SPTAN1: variants seen among roughly 807,000 people sequenced by gnomAD.
The protein encoded by SPTAN1 is spectrin alpha, non-erythrocytic 1.
Under a neutral mutation model 331.3 loss-of-function variants are expected in SPTAN1, and 61 were observed. That is an observed-to-expected ratio of 0.18 (90% CI 0.15 to 0.23). The LOEUF (loss-of-function observed/expected upper bound fraction) is 0.23. Ranked by LOEUF, SPTAN1 falls within the 10% of genes least tolerant of loss-of-function variation. The pLI is 1.00. For missense variants in SPTAN1, 2,043 were observed against 3,147.9 expected, an observed-to-expected ratio of 0.65 and a Z score of 8.40; for synonymous variants, 1,153 against 1,173.9, an observed-to-expected ratio of 0.98 and a Z score of 0.36.
rs900815507 is a variant in SPTAN1 at position 128,627,682 on chromosome 9, C to G, written c.6689+184C>G. ...GGAGTGGGGGCATAGGTGGAGCAGC[C>G]TCTCAGTGCTGCATGTCCCAGACAT... On this transcript the variant is annotated intron_variant, in intron 50 of 56. Coordinates refer to ENST00000372739, the MANE Select transcript of SPTAN1 (RefSeq NM_001130438.3). This position sits in a 1 kb window ranked among gnomAD's most constrained non-coding sequence, Gnocchi z 4.9. 5.8e-5 allele frequency: 45 copies of G among 777,736 alleles called. No individual in the cohort carries two copies. Among genetic ancestry groups the G allele is most frequent in the Non-Finnish European group, 1.6e-5 (7 of 447,912 alleles). The allele number at this position is 777,736 out of a possible 1,614,324, so 48.2% of individuals were successfully genotyped here. A position where few individuals can be genotyped will look rare whatever the true frequency, so the allele number is the denominator to read the frequency against.
In SPTAN1 at chr9:128,632,731, A is replaced by C. The variant is rs1237326805; in HGVS notation, c.7160+13A>C. On this transcript the variant is annotated intron_variant, in intron 55 of 56. Coordinates refer to ENST00000372739, the MANE Select transcript of SPTAN1 (RefSeq NM_001130438.3). ...TGGATCCGAACAGGTAAATTAATTA[A>C]GGCCAGGTGCTGTGAGCCTCTGCCC... 6.2e-7 allele frequency: 1 copy of C among 1,613,910 alleles called. No homozygotes were observed. The highest frequency in any genetic ancestry group is 1.3e-5 in the African/African-American group (1 of 74,950).
chr9:128,567,821 T>G (rs1245425047), intron 2 of SPTAN1, among the ~76,000 whole-genome samples: 1 of 152,004 alleles, frequency 6.6e-6, no homozygotes, highest in East Asian at 1.9e-4. Flanking sequence ...AGTGCAATGG[T>G]GCAATCTCAG....
At chr9:128,618,214 C>T in intron 43 of SPTAN1, 106 bp downstream of exon 43, 1 of 1,530,112 alleles carries the variant, frequency 6.5e-7, no homozygotes, top group South Asian at 1.2e-5. Flanking sequence ...GTCTCCTGGA[C>T]CTTTGGCCTC....
chr9:128,627,778 G>T lies in SPTAN1; in HGVS notation c.6690-147G>T. ...TGGTCAGCCCCAGCCATGACTTGGT[G>T]ACAGACGATGCAGGGTCTGTGCGTT... On this transcript the variant is annotated intron_variant, in intron 50 of 56. Transcript: ENST00000372739. The surrounding 1 kb of genome is among the most constrained non-coding windows in gnomAD (Gnocchi z 4.9). 9.4e-7 allele frequency: 1 copy of T among 1,069,376 alleles called. No individual in the cohort carries two copies. The highest frequency in any genetic ancestry group is 1.3e-5 in the South Asian group (1 of 79,408). The allele number at this position is 1,069,376 out of a possible 1,614,324, so 66.2% of individuals were successfully genotyped here.
chr9:128,573,287 A>G (rs1392702767), intron 3 of SPTAN1, among the ~76,000 whole-genome samples: 2 of 152,194 alleles, frequency 1.3e-5, no homozygotes, highest in African/African-American at 2.4e-5. Flanking sequence ...TGAGAACCCA[A>G]AGATGCTGGG....
chr9:128,608,329 T>C, intron 34 of SPTAN1, 53 bp downstream of exon 34: 1 of 1,611,064 alleles, frequency 6.2e-7, no homozygotes, highest in South Asian at 1.1e-5. Context: ...GATTGACATC[T>C]GTTTCTTGGC....
chr9:128,584,858 T>C lies in SPTAN1; in HGVS notation c.2560+15T>C. On this transcript the variant is annotated intron_variant, in intron 18 of 56. Transcript: ENST00000372739. ...GGTGGAGGAAGGTGAGTGATTGGTA[T>C]CAGTGACATGGCTTGGTGCTGCTCC... 1.2e-6 allele frequency: 2 copies of C among 1,614,146 alleles called. No homozygotes were observed. Among genetic ancestry groups the C allele is most frequent in the Non-Finnish European group, 1.7e-6 (2 of 1,180,010 alleles).
chr9:128,632,279 G>A lies in SPTAN1; in HGVS notation c.6915G>A (p.Leu2305=). The A allele has an allele frequency of 6.2e-7, 1 of 1,613,512 alleles. No homozygotes were observed. The highest frequency in any genetic ancestry group is 8.5e-7 in the Non-Finnish European group (1 of 1,180,000). ...LAQQWDQLDQ[L]GMRMQHNLEQ... Reference sequence around the variant, plus strand: ...AGCAGTGGGACCAGCTGGACCAGCTGGGCATGCGCATGCAGCACAACCTGG... The same window carrying A: ...AGCAGTGGGACCAGCTGGACCAGCTAGGCATGCGCATGCAGCACAACCTGG... The change falls in exon 53 of 57, where the codon CTG becomes CTA. Residue 2305 remains leucine (L), a synonymous_variant. Coordinates refer to ENST00000372739, the MANE Select transcript of SPTAN1 (RefSeq NM_001130438.3).
chr9:128,593,168 C>T (rs1853762586), intron 23 of SPTAN1, 126 bp downstream of exon 23: 2 of 1,035,122 alleles, frequency 1.9e-6, no homozygotes, highest in Admixed American at 2.0e-5. Context: ...AACTGCCTGT[C>T]CGTGCAGCAG....
rs2152833 is a variant in SPTAN1, at chr9:128,569,041, C to T, written c.363+144C>T. ...TATGAAGTCTCCTTAAGAAGTTACC[C>T]GAATCCTGCCTTTGTAATATGACAG... On this transcript the variant is annotated intron_variant, in intron 3 of 56. Coordinates refer to ENST00000372739, the MANE Select transcript of SPTAN1 (RefSeq NM_001130438.3). The T allele has an allele frequency of 0.83, 863,479 of 1,039,904 alleles. 369,427 individuals are homozygous for T. The highest frequency in any genetic ancestry group is 0.9 in the Non-Finnish European group (620,303 of 690,390). 64.4% of individuals were successfully genotyped at this position (1,039,904 alleles called of 1,614,324 possible). A position where few individuals can be genotyped will look rare whatever the true frequency, so the allele number is the denominator to read the frequency against.
rs762562063 is a variant in SPTAN1 at position 128,619,021 on chromosome 9, G to A, written c.5733+18G>A. 1.5e-5 allele frequency: 25 copies of A among 1,613,064 alleles called. No homozygotes were observed. The highest frequency in any genetic ancestry group is 1.4e-4 in the South Asian group (13 of 91,036). ...CCATCCAGGTGAGACAGAAACCAAA[G>A]GTGTCACCTGCTTTCTCTCTTGGCA... On this transcript the variant is annotated intron_variant, in intron 44 of 56. Coordinates refer to ENST00000372739, the MANE Select transcript of SPTAN1 (RefSeq NM_001130438.3).
intron 24 of SPTAN1, 64 bp from the exon 25 acceptor site, chr9:128,598,336 C>G: frequency 8.4e-7 from 1 of 1,196,148 alleles, no homozygotes; most frequent in Non-Finnish European, 1.2e-6. Flanking sequence ...TAGTTTGTGA[C>G]TATGTCTCCT....
chr9:128,632,127 C>T lies in SPTAN1; in HGVS notation c.6763C>T (p.Arg2255Cys), dbSNP rs372779649. 1.1e-4 allele frequency: 171 copies of T among 1,612,914 alleles called. No homozygotes were observed. The highest frequency in any genetic ancestry group is 1.3e-4 in the Non-Finnish European group (149 of 1,179,948). ...GCATCTGTGCTCCCCACCCCTGCAG[C>T]GCAAGCACCAGGAAATCCGAGCCAT... ...TLESQLEATK[R>C]KHQEIRAMRS... The change falls in exon 53 of 57, where the codon CGC becomes TGC. Residue 2255 changes from arginine to cysteine, a missense_variant and splice_region_variant. By Grantham distance (180) the Arg-to-Cys change is radical. This residue lies in a region of SPTAN1 where 256 missense variants were observed against 376.4 expected (regional missense o/e 0.68). Coordinates refer to ENST00000372739, the MANE Select transcript of SPTAN1 (RefSeq NM_001130438.3).
At chr9:128,608,389 A>G in intron 34 of SPTAN1, 113 bp downstream of exon 34, 1 of 1,289,162 alleles carries the variant, frequency 7.8e-7, no homozygotes, top group Non-Finnish European at 1.1e-6. Flanking sequence ...TGTCTAAGAA[A>G]AATATGTACA....
chr9:128,579,600 T>C (rs1195775508), intron 9 of SPTAN1, 37 bp from the exon 10 acceptor site: 29 of 1,535,454 alleles, frequency 1.9e-5, no homozygotes, highest in Non-Finnish European at 2.4e-5. Context: ...TGTAAGATGC[T>C]GGGCACAAAT....
chr9:128,580,287 A>T (rs1440945038), intron 10 of SPTAN1, among the ~76,000 whole-genome samples: 5 of 151,502 alleles, frequency 3.3e-5, no homozygotes, highest in Non-Finnish European at 5.9e-5. Flanking sequence ...TCTCTAAAAA[A>T]AAATAAATAA....
rs770983670 is a variant in SPTAN1 at position 128,633,377 on chromosome 9, C to T, written c.*43C>T. The T allele has an allele frequency of 1.1e-5, 17 of 1,612,618 alleles. No individual in the cohort carries two copies. Among genetic ancestry groups the T allele is most frequent in the Middle Eastern group, 3.3e-4 (2 of 6,082 alleles). ...CCACCCCTCGCTGCTTGCCCTGCGT[C>T]GCCTTGCTGCATGTCCGCTCCTCTG... On this transcript the variant is annotated 3_prime_UTR_variant, in exon 57 of 57. Transcript: ENST00000372739.
intron 11 of SPTAN1, 47 bp downstream of exon 11, chr9:128,581,106 G>A (rs201757065): frequency 6.2e-7 from 1 of 1,612,152 alleles, no homozygotes; most frequent in East Asian, 2.2e-5. Flanking sequence ...AGAAGGGCCT[G>A]TGTTTTGCCT....
intron 40 of SPTAN1, 27 bp downstream of exon 40, chr9:128,613,512 C>A: frequency 6.3e-7 from 1 of 1,587,800 alleles, no homozygotes; most frequent in Non-Finnish European, 8.6e-7. Context: ...GGGCCAGGCC[C>A]GAGTGCCTGG....
Sources: allele counts gnomAD v4.1 joint callset (sites outside exome capture counted in the v4.1 genomes callset), GRCh38; gene constraint gnomAD v4.1.1; regional missense constraint gnomAD v4.1.1; non-coding constraint Gnocchi (gnomAD v3.1); transcripts MANE v1.5; gene names NCBI Gene and HGNC (gene_info 2026-07-23, HGNC 2026-07-21).